The following DMXL2 variants were observed in gnomAD, a reference collection of about 807,000 sequenced individuals.
The protein encoded by DMXL2 is dmX-like protein 2.
Under a neutral mutation model 331.1 loss-of-function variants are expected in DMXL2, and 103 were observed. That is an observed-to-expected ratio of 0.31 (90% CI 0.27 to 0.37). DMXL2 has a LOEUF of 0.37. DMXL2 is among the 10% of genes least tolerant of loss of function. The pLI, the probability that DMXL2 is intolerant of heterozygous loss-of-function variation, is 1.00. For synonymous variants in DMXL2, 1,281 were observed against 1,252.1 expected (o/e 1.02, Z -0.49); for missense variants, 3,171 against 3,642.9 (o/e 0.87, Z 3.33).
intron 1 of DMXL2, among the ~76,000 whole-genome samples, chr15:51,590,823 T>G (rs1306248265): frequency 6.6e-6 from 1 of 152,192 alleles, no homozygotes; most frequent in Non-Finnish European, 1.5e-5. Flanking sequence ...ACACACAGGA[T>G]CCTGCCACAT....
Position 51,448,234 on chromosome 15 carries a change from A to T in DMXL2, c.*750T>A, listed in dbSNP as rs948438025. On this transcript the variant is annotated 3_prime_UTR_variant, in exon 44 of 44. Coordinates refer to ENST00000560891, the MANE Select transcript of DMXL2 (RefSeq NM_001378457.1). ...GTTTAACCTTGAATACACGAAAAGA[A>T]AAAGTACTAAACTGGACTAAGAAGG... is the stretch of plus-strand genomic sequence containing the variant. 6.5e-6 allele frequency: 1 copy of T among 152,678 alleles called. No homozygotes were observed. The highest frequency in any genetic ancestry group is 1.5e-5 in the Non-Finnish European group (1 of 68,046). The allele number at this position is 152,678 out of a possible 1,614,324, so 9.5% of individuals were successfully genotyped here.
intron 1 of DMXL2, among the ~76,000 whole-genome samples, chr15:51,619,257 C>T (rs2054479514): frequency 6.6e-6 from 1 of 152,108 alleles, no homozygotes; most frequent in Non-Finnish European, 1.5e-5. Flanking sequence ...CTTTGAACTA[C>T]CAGAGATTTG....
intron 6 of DMXL2, among the ~76,000 whole-genome samples, chr15:51,556,062 G>A (rs1050496763): frequency 6.6e-6 from 1 of 152,034 alleles, no homozygotes; most frequent in African/African-American, 2.4e-5. Flanking sequence ...CAGCAGATCA[G>A]GCCGGGCGCG....
At chr15:51,456,263 A>G in intron 38 of DMXL2, 46 bp downstream of exon 38, 1 of 1,596,982 alleles carries the variant, frequency 6.3e-7, no homozygotes, top group Non-Finnish European at 8.5e-7. Flanking sequence ...CTATAAATCA[A>G]CCTCCAAATG....
chr15:51,489,392 C>T (rs1305303038), intron 20 of DMXL2, among the ~76,000 whole-genome samples: 2 of 152,164 alleles, frequency 1.3e-5, no homozygotes, highest in African/African-American at 4.8e-5. Context: ...CGCAGTGGTT[C>T]ATGCCTGTAA....
rs1595747531 is a variant in DMXL2, at chr15:51,610,374, G to T, written c.87+12085C>A. ...AATAAGCAGACAGAAAAGCGGTAAA[G>T]TTTTAGGAGATTTAAAGAACATGAT... is the stretch of plus-strand genomic sequence containing the variant. On this transcript the variant is annotated intron_variant, in intron 1 of 43. Transcript: ENST00000560891. 3.9e-5 allele frequency among the ~76,000 whole-genome samples: 6 copies of T among 152,306 alleles called. No individual in the cohort carries two copies. The South Asian group carries it at 1.2e-3, about 32-fold the overall frequency.
At chr15:51,472,102 A>G (rs1012275300) in intron 28 of DMXL2, among the ~76,000 whole-genome samples, 2 of 152,236 alleles carry the variant, frequency 1.3e-5, no homozygotes, top group South Asian at 2.1e-4. Context: ...GAAGGGTTGT[A>G]TATGAGTGAT....
intron 1 of DMXL2, among the ~76,000 whole-genome samples, chr15:51,601,094 A>G (rs1247636684): frequency 1.3e-5 from 2 of 152,060 alleles, no homozygotes; most frequent in Non-Finnish European, 2.9e-5. Context: ...TATTGAGACC[A>G]CCCTGGCTAA....
chr15:51,518,567 T>C (rs921792301), intron 13 of DMXL2, among the ~76,000 whole-genome samples: 1 of 152,160 alleles, frequency 6.6e-6, no homozygotes, highest in Non-Finnish European at 1.5e-5. Flanking sequence ...TTCCATAGGA[T>C]TCATGCGTAT....
At chr15:51,548,484 T>C (rs1406346628) in intron 6 of DMXL2, among the ~76,000 whole-genome samples, 1 of 152,156 alleles carries the variant, frequency 6.6e-6, no homozygotes. Flanking sequence ...TACTAGTTGC[T>C]TTCCTCCAAG....
intron 1 of DMXL2, among the ~76,000 whole-genome samples, chr15:51,592,105 A>G (rs2052400049): frequency 1.3e-5 from 2 of 152,186 alleles, no homozygotes; most frequent in African/African-American, 4.8e-5. Context: ...GCTTCAGACG[A>G]TCAAACTACT....
chr15:51,615,108 G>A (rs2054210408), intron 1 of DMXL2, among the ~76,000 whole-genome samples: 1 of 152,192 alleles, frequency 6.6e-6, no homozygotes, highest in Non-Finnish European at 1.5e-5. Context: ...GGAAAGTAAA[G>A]AAAAGTGGAG....
chr15:51,507,314 T>C (rs975839869), intron 15 of DMXL2, 61 bp from the exon 16 acceptor site: 3 of 1,485,864 alleles, frequency 2.0e-6, no homozygotes, highest in East Asian at 2.4e-5. Context: ...AAAAAAACAC[T>C]TTTTAAAAGC....
Position 51,564,226 on chromosome 15 carries a change from C to T in DMXL2, c.399G>A (p.Gln133=). Residue 133 remains glutamine (Q), a synonymous_variant, in exon 5 of 44, where the codon CAG becomes CAA. Coordinates refer to ENST00000560891, the MANE Select transcript of DMXL2 (RefSeq NM_001378457.1). The part of the protein sequence containing the change: ...NRLLTATDSI[Q]LWAPPGDDIL... ...TATCATCTCCTGGAGGAGCCCACAACTGAATAGAATCAGTTGCTGTCAACA... is the reference window on the plus strand; with the variant it reads ...TATCATCTCCTGGAGGAGCCCACAATTGAATAGAATCAGTTGCTGTCAACA... The T allele has an allele frequency of 1.2e-6, 2 of 1,603,640 alleles. No individual in the cohort carries two copies. Among genetic ancestry groups the T allele is most frequent in the Non-Finnish European group, 1.7e-6 (2 of 1,176,478 alleles).
chr15:51,560,963 C>T (rs1386483287), intron 6 of DMXL2, among the ~76,000 whole-genome samples: 1 of 148,028 alleles, frequency 6.8e-6, no homozygotes, highest in African/African-American at 2.5e-5. Flanking sequence ...TTTATATATA[C>T]TTTTTTAATT....
At chr15:51,610,828 T>G (rs2053914969) in intron 1 of DMXL2, among the ~76,000 whole-genome samples, 1 of 151,870 alleles carries the variant, frequency 6.6e-6, no homozygotes, top group African/African-American at 2.4e-5. Context: ...TTAAAAAGAC[T>G]AGAAGTACAT....
chr15:51,543,735 T>G (rs1289102952), intron 8 of DMXL2, among the ~76,000 whole-genome samples: 1 of 152,156 alleles, frequency 6.6e-6, no homozygotes, highest in Non-Finnish European at 1.5e-5. Flanking sequence ...TTTTTTCTTT[T>G]AAAAACTATC....
intron 1 of DMXL2, among the ~76,000 whole-genome samples, chr15:51,595,107 A>G (rs1328638653): frequency 6.6e-6 from 1 of 152,220 alleles, no homozygotes; most frequent in Non-Finnish European, 1.5e-5. Context: ...AGGGTATTCA[A>G]TTAGGAAAAG....
In DMXL2 at chr15:51,461,691, C is replaced by G. The variant is rs531741949; in HGVS notation, c.7926+1688G>C. On this transcript the variant is annotated intron_variant, in intron 33 of 43. Coordinates refer to ENST00000560891, the MANE Select transcript of DMXL2 (RefSeq NM_001378457.1). ...TCAGCCCTGCAAGTAGCTGGGATTA[C>G]AAGCATACACCATCACACCTGGATA... 5.3e-5 allele frequency among the ~76,000 whole-genome samples: 8 copies of G among 152,136 alleles called. 1 individual carries two copies. In the East Asian group the frequency reaches 1.5e-3, roughly 29 times the overall value.
Sources: gnomAD v4.1 joint callset for allele counts (sites outside exome capture counted in the v4.1 genomes callset) on GRCh38, gnomAD v4.1.1 for gene constraint, MANE v1.5 for transcripts, NCBI Gene and HGNC (gene_info 2026-07-23, HGNC 2026-07-21) for gene names.